The following SERPINI1 variants were observed in gnomAD, a reference collection of about 807,000 sequenced individuals.
SERPINI1 encodes neuroserpin.
A neutral mutation model predicts 41.1 loss-of-function variants in SERPINI1; 19 were observed. The observed-to-expected ratio is 0.46, with a 90% CI of 0.32 to 0.68. The LOEUF (loss-of-function observed/expected upper bound fraction) is 0.68, where lower values mean the gene tolerates loss of function less well. Among genes scored for constraint, SERPINI1 ranks in the 30% least tolerant of loss-of-function variants. The pLI is 0.03. For synonymous variants in SERPINI1, 138 were observed against 156.6 expected (o/e 0.88, Z 0.89); for missense variants, 460 against 479.2 (o/e 0.96, Z 0.37).
At chr3:167,756,221 T>C (rs1309505156) in intron 1 of SERPINI1, among the ~76,000 whole-genome samples, 1 of 152,204 alleles carries the variant, frequency 6.6e-6, no homozygotes, top group Non-Finnish European at 1.5e-5. Flanking sequence ...TTACTGAAGC[T>C]ATGTAAACCC....
intron 6 of SERPINI1, among the ~76,000 whole-genome samples, chr3:167,814,052 C>T (rs1450966206): frequency 6.6e-6 from 1 of 152,190 alleles, no homozygotes; most frequent in Admixed American, 6.5e-5. Context: ...CCCTCTGAGA[C>T]CCACCTTTCT....
chr3:167,824,477 G>A lies in SERPINI1; in HGVS notation c.1071G>A (p.Met357Ile), dbSNP rs1168773849. ...TACTTTTTATCTGCACTGTAGGAATGATTGCAATTAGTAGGATGGCTGTGC... is the reference window on the plus strand; with the variant it reads ...TACTTTTTATCTGCACTGTAGGAATAATTGCAATTAGTAGGATGGCTGTGC... The part of the protein sequence containing the change: ...EGSEAAAVSG[M>I]IAISRMAVLY... Residue 357 changes from methionine (M) to isoleucine (I), a missense_variant, in exon 8 of 9, where the codon ATG becomes ATA. Transcript: ENST00000446050. The A allele has an allele frequency of 1.2e-6, 2 of 1,612,316 alleles. No individual in the cohort carries two copies. Among genetic ancestry groups the A allele is most frequent in the South Asian group, 2.2e-5 (2 of 91,050 alleles).
intron 6 of SERPINI1, among the ~76,000 whole-genome samples, chr3:167,816,020 T>C (rs1357805885): frequency 6.6e-6 from 1 of 152,176 alleles, no homozygotes; most frequent in Non-Finnish European, 1.5e-5. Flanking sequence ...TTGTCTTATG[T>C]TTTATTTATT....
chr3:167,810,809 G>T (rs947174084), intron 6 of SERPINI1, among the ~76,000 whole-genome samples: 1 of 152,118 alleles, frequency 6.6e-6, no homozygotes. Context: ...TTCAAAATTG[G>T]AGTCAGTCCT....
intron 1 of SERPINI1, among the ~76,000 whole-genome samples, chr3:167,777,124 C>G (rs1306507671): frequency 6.6e-6 from 1 of 152,090 alleles, no homozygotes; most frequent in Non-Finnish European, 1.5e-5. Flanking sequence ...CCCCCTTATT[C>G]CTGATCTTTC....
At chr3:167,793,000 C>T (rs1019616009) in intron 4 of SERPINI1, among the ~76,000 whole-genome samples, 1 of 152,102 alleles carries the variant, frequency 6.6e-6, no homozygotes, top group Non-Finnish European at 1.5e-5. Context: ...AAGTCAACCA[C>T]ACCTGCAGAG....
chr3:167,794,526 G>A (rs1727649215), intron 4 of SERPINI1, 94 bp from the exon 5 acceptor site: 3 of 1,036,928 alleles, frequency 2.9e-6, no homozygotes, highest in Middle Eastern at 6.0e-4. Flanking sequence ...CCTGAGCAGT[G>A]TACACTATAC....
chr3:167,740,172 A>G (rs547887062), intron 1 of SERPINI1, among the ~76,000 whole-genome samples: 1 of 152,048 alleles, frequency 6.6e-6, no homozygotes, highest in Admixed American at 6.6e-5. Context: ...AGCTAAGACT[A>G]CAGGCAAGAA....
rs34522080 is a variant in SERPINI1 at position 167,769,677 on chromosome 3, C to A, written c.-18-19434C>A. Among the ~76,000 whole-genome samples, 80 of 152,074 alleles carry A rather than the reference C, an allele frequency of 5.3e-4. 1 individual carries two copies. The East Asian group carries it at 0.011, about 21-fold the overall frequency. On this transcript the variant is annotated intron_variant, in intron 1 of 8. Transcript: ENST00000446050. ...TTTTTTACAAGTCATGCCTTAGAGT[C>A]ATTCTCTAATATTAAGAGTGTGACC... is the stretch of plus-strand genomic sequence containing the variant.
chr3:167,791,935 G>A (rs1727530499), intron 3 of SERPINI1, among the ~76,000 whole-genome samples: 1 of 152,142 alleles, frequency 6.6e-6, no homozygotes, highest in Non-Finnish European at 1.5e-5. Flanking sequence ...GACCAGCCTG[G>A]CTGACATGGT....
At position 167,812,363 on chromosome 3, in the gene SERPINI1, A is replaced by G. The variant is rs1043770758; in HGVS notation, c.979+5022A>G. On this transcript the variant is annotated intron_variant, in intron 6 of 8. Transcript: ENST00000446050. ...CATATACACAACTCCTGCCCAGCCA[A>G]ACTAAATACTCACTCTGTGTCTCAC... Among the ~76,000 whole-genome samples the G allele has an allele frequency of 2.0e-5, 3 of 152,164 alleles. No individual in the cohort carries two copies. The South Asian group carries it at 6.2e-4, about 32-fold the overall frequency.
At chr3:167,757,510 TCACACACA>T (rs143893182) in intron 1 of SERPINI1, among the ~76,000 whole-genome samples, 4 of 149,446 alleles carry the variant, frequency 2.7e-5, no homozygotes, top group Admixed American at 2.0e-4. Flanking sequence ...TCTCTCTCTC[TCACACACA>T]CACACACACA....
At chr3:167,763,229 A>G in intron 1 of SERPINI1, among the ~76,000 whole-genome samples, 1 of 151,870 alleles carries the variant, frequency 6.6e-6, no homozygotes, top group East Asian at 1.9e-4. Flanking sequence ...ATAATGCTAG[A>G]AAAAAAAGAT....
chr3:167,744,664 AAATAT>A (rs1228633911), intron 1 of SERPINI1, among the ~76,000 whole-genome samples: 2 of 117,124 alleles, frequency 1.7e-5, no homozygotes, highest in Admixed American at 1.8e-4. Flanking sequence ...ATAAATATAA[AAATAT>A]ATATATAAAT....
rs1712479291 is a variant in SERPINI1, at chr3:167,825,268, G to A, written c.1178G>A (p.Arg393Gln). 2 of 1,612,896 alleles carry A rather than the reference G, an allele frequency of 1.2e-6. No individual in the cohort carries two copies. The highest frequency in any genetic ancestry group is 1.7e-6 in the Non-Finnish European group (2 of 1,179,136). Reference sequence around the variant, plus strand: ...ACAGGTACAATTCTATTCATGGGACGAGTCATGCATCCTGAAACAATGAAC... The same window carrying A: ...ACAGGTACAATTCTATTCATGGGACAAGTCATGCATCCTGAAACAATGAAC... ...RRTGTILFMG[R>Q]VMHPETMNTS... The change falls in exon 9 of 9, where the codon CGA (arginine) becomes CAA (glutamine). Residue 393 changes from arginine (R) to glutamine (Q), a missense_variant. Physicochemically the swap from Arg to Gln is conservative, Grantham distance 43 (BLOSUM62 1). Coordinates refer to ENST00000446050, the MANE Select transcript of SERPINI1 (RefSeq NM_001122752.2).
chr3:167,800,734 G>T (rs1448006324), intron 5 of SERPINI1, among the ~76,000 whole-genome samples: 1 of 152,112 alleles, frequency 6.6e-6, no homozygotes, highest in Non-Finnish European at 1.5e-5. Flanking sequence ...TATTAATAAA[G>T]CATTTTAGTT....
intron 1 of SERPINI1, among the ~76,000 whole-genome samples, chr3:167,744,853 T>TTA (rs113662478): frequency 0.011 from 1,242 of 113,950 alleles, 36 homozygotes; most frequent in East Asian, 0.1. Flanking sequence ...ATAACTATAG[T>TTA]TATATATATA....
intron 5 of SERPINI1, among the ~76,000 whole-genome samples, chr3:167,798,805 A>G (rs1727798572): frequency 1.3e-5 from 2 of 152,122 alleles, no homozygotes; most frequent in Admixed American, 1.3e-4. Context: ...CATGGACATA[A>G]AGATGGCAAT....
At chr3:167,799,525 T>G (rs1319789506) in intron 5 of SERPINI1, among the ~76,000 whole-genome samples, 2 of 152,204 alleles carry the variant, frequency 1.3e-5, no homozygotes, top group African/African-American at 4.8e-5. Flanking sequence ...GTCTTTATAG[T>G]AGAATGATTT....
Sources: allele counts gnomAD v4.1 joint callset (sites outside exome capture counted in the v4.1 genomes callset), GRCh38; gene constraint gnomAD v4.1.1; transcripts MANE v1.5; gene names NCBI Gene and HGNC (gene_info 2026-07-23, HGNC 2026-07-21).